The following NOP2 variants were observed in gnomAD, a reference collection of about 807,000 sequenced individuals.
NOP2 encodes NOP2 nucleolar protein.
A neutral mutation model predicts 72.7 loss-of-function variants in NOP2; 7 were observed. The observed-to-expected ratio is 0.10, with a 90% CI of 0.05 to 0.18. The LOEUF is 0.18. Among genes scored for constraint, NOP2 ranks in the 10% least tolerant of loss-of-function variants. The pLI, the probability that NOP2 is intolerant of heterozygous loss-of-function variation, is 1.00. For synonymous variants in NOP2, 387 were observed against 388.0 expected (o/e 1.00, Z 0.03); for missense variants, 954 against 1,014.7 (o/e 0.94, Z 0.81).
chr12:6,563,780 A>G lies in NOP2; in HGVS notation c.531-9T>C, dbSNP rs767808236. On this transcript the variant is annotated splice_polypyrimidine_tract_variant and intron_variant, in intron 6 of 15. Coordinates refer to ENST00000322166, the MANE Select transcript of NOP2 (RefSeq NM_001258308.2). The stretch of plus-strand genomic sequence containing the variant: ...CTTCACTCCACTGGATCCTAGAAAC[A>G]GGTCCAGGAACAGAGTGATTCACAG... 1.2e-6 allele frequency: 2 copies of G among 1,612,788 alleles called. No homozygotes were observed. The highest frequency in any genetic ancestry group is 2.7e-5 in the African/African-American group (2 of 74,866).
intron 2 of NOP2, 109 bp from the exon 3 acceptor site, chr12:6,566,931 C>A: frequency 1.2e-6 from 1 of 849,334 alleles, no homozygotes; most frequent in Non-Finnish European, 1.9e-6. Context: ...AAAAGGAGTC[C>A]ATTTAAATCT....
chr12:6,558,424 T>G (rs1947562259), intron 15 of NOP2, among the ~76,000 whole-genome samples: 1 of 151,406 alleles, frequency 6.6e-6, no homozygotes, highest in African/African-American at 2.4e-5. Context: ...CGCCACCATG[T>G]CCGGCTAATT....
At chr12:6,568,101 G>A in intron 1 of NOP2, 106 bp downstream of exon 1, 1 of 595,164 alleles carries the variant, frequency 1.7e-6, no homozygotes, top group Non-Finnish European at 3.0e-6. Context: ...CTGGAGGCCC[G>A]ACCGAACGCC....
In NOP2 at chr12:6,560,833, C is replaced by A. The variant is rs565679479; in HGVS notation, c.1348-46G>T. ...AATCATATGTCTCTTCTGCAACCAG[C>A]AGGGCAATATTTACTAGGGTCGAGT... On this transcript the variant is annotated intron_variant, in intron 12 of 15. Coordinates refer to ENST00000322166, the MANE Select transcript of NOP2 (RefSeq NM_001258308.2). This position sits in a 1 kb window ranked among gnomAD's most constrained non-coding sequence, Gnocchi z 5.0. The A allele has an allele frequency of 1.9e-6, 3 of 1,608,392 alleles. No homozygotes were observed. Among genetic ancestry groups the A allele is most frequent in the South Asian group, 2.2e-5 (2 of 90,248 alleles).
At chr12:6,564,632 A>T (rs1033980935) in intron 5 of NOP2, among the ~76,000 whole-genome samples, 6 of 151,654 alleles carry the variant, frequency 4.0e-5, no homozygotes, top group Non-Finnish European at 8.8e-5. Context: ...TTTCACCATG[A>T]TGGCCAAGCT....
rs1314196549 is a variant in NOP2 at position 6,560,593 on chromosome 12, G to C, written c.1438-24C>G. ...TCCTGTCCCAAAAAGAGACCCAAAG[G>C]CAGCCTCAGGAGGAGAGGGGAGCCC... On this transcript the variant is annotated intron_variant, in intron 13 of 15. Coordinates refer to ENST00000322166, the MANE Select transcript of NOP2 (RefSeq NM_001258308.2). The surrounding 1 kb of genome is among the most constrained non-coding windows in gnomAD (Gnocchi z 5.0). 1.3e-6 allele frequency: 2 copies of C among 1,598,938 alleles called. No homozygotes were observed. Among genetic ancestry groups the C allele is most frequent in the African/African-American group, 1.3e-5 (1 of 74,288 alleles).
In NOP2 at chr12:6,563,507, C is replaced by A; in HGVS notation, c.696G>T (p.Gln232His). 1 of 1,612,662 alleles carries A rather than the reference C, an allele frequency of 6.2e-7. No homozygotes were observed. The highest frequency in any genetic ancestry group is 1.3e-5 in the African/African-American group (1 of 75,024). The change falls in exon 8 of 16, where the codon CAG becomes CAT. Residue 232 changes from glutamine (Q) to histidine (H), a missense_variant. By Grantham distance (24) the Gln-to-His change is conservative (BLOSUM62 0). Around this residue, in one of 3 missense-constraint regions of NOP2, gnomAD observed 498 missense variants for 478.3 expected, o/e 1.04. Coordinates refer to ENST00000322166, the MANE Select transcript of NOP2 (RefSeq NM_001258308.2). ...PPAGEMEQDA[Q>H]APDLQRVHKR... ...TGTGAACTCGTTGCAGGTCTGGAGC[C>A]TGGGCATGTGGGCCTGTTAAGGAAC... is the stretch of plus-strand genomic sequence containing the variant.
chr12:6,557,691 A>G lies in NOP2; in HGVS notation c.1790-49T>C, dbSNP rs200502988. The G allele has an allele frequency of 2.1e-5, 31 of 1,503,236 alleles. No homozygotes were observed. In the Admixed American group the frequency reaches 2.7e-4, roughly 13 times the overall value. 93.1% of individuals were successfully genotyped at this position (1,503,236 alleles called of 1,614,324 possible). ...GTGTCAGAAAATGGGCCTTATCACC[A>G]TATTTTAATATTCTCATATTAAAAT... is the stretch of plus-strand genomic sequence containing the variant. On this transcript the variant is annotated intron_variant, in intron 15 of 15. Transcript: ENST00000322166.
intron 2 of NOP2, 78 bp downstream of exon 2, chr12:6,567,738 G>T (rs563388870): frequency 5.0e-5 from 57 of 1,148,770 alleles, no homozygotes; most frequent in Admixed American, 1.6e-4. Flanking sequence ...AAAATGAACA[G>T]AAACTAAAAA....
intron 5 of NOP2, among the ~76,000 whole-genome samples, chr12:6,565,840 C>A (rs764902400): frequency 6.6e-5 from 10 of 152,174 alleles, no homozygotes; most frequent in Non-Finnish European, 1.0e-4. Flanking sequence ...CTGTGCCCAT[C>A]AGTGGAGCAC....
At chr12:6,562,259 G>A (rs1015733608) in intron 9 of NOP2, among the ~76,000 whole-genome samples, 3 of 152,078 alleles carry the variant, frequency 2.0e-5, no homozygotes, top group Non-Finnish European at 4.4e-5. Context: ...CAAAGTGCTG[G>A]GATTACAGGC....
intron 1 of NOP2, 32 bp from the exon 2 acceptor site, chr12:6,567,954 T>C (rs1317145672): frequency 6.4e-7 from 1 of 1,561,606 alleles, no homozygotes. Context: ...GAAGGTGGCG[T>C]CGCGCGTGTC....
At chr12:6,565,639 C>G (rs1947760317) in intron 5 of NOP2, among the ~76,000 whole-genome samples, 1 of 151,850 alleles carries the variant, frequency 6.6e-6, no homozygotes, top group South Asian at 2.1e-4. Flanking sequence ...TGTGCCAGGC[C>G]AATTTTTTAA....
intron 5 of NOP2, among the ~76,000 whole-genome samples, chr12:6,564,732 T>A (rs1947734734): frequency 6.7e-6 from 1 of 149,320 alleles, no homozygotes; most frequent in Admixed American, 6.7e-5. Context: ...CCTGGCCCAT[T>A]TTGTCGTTTT....
At position 6,563,762 on chromosome 12, in the gene NOP2, C is replaced by G. The variant is rs115447939; in HGVS notation, c.540G>C (p.Trp180Cys). 2.5e-3 allele frequency: 3,982 copies of G among 1,613,018 alleles called. 75 individuals are homozygous for G. The African/African-American group carries it at 0.042, about 17-fold the overall frequency. Residue 180 changes from tryptophan to cysteine, a missense_variant, in exon 7 of 16, where the codon TGG (tryptophan) becomes TGC (cysteine). This residue lies in a region of NOP2 where 498 missense variants were observed against 478.3 expected (regional missense o/e 1.04). Coordinates refer to ENST00000322166, the MANE Select transcript of NOP2 (RefSeq NM_001258308.2). The stretch of plus-strand genomic sequence containing the variant: ...CCTCGTCCTCGGTCTCCTCTTCACT[C>G]CACTGGATCCTAGAAACAGGTCCAG... ...KAREAAAGIQWSEEETEDEEE... is the reference protein window; with the variant it reads ...KAREAAAGIQCSEEETEDEEE...
rs1345715454 is a variant in NOP2, at chr12:6,565,932, T to C, written c.474+169A>G. 2.3e-5 allele frequency among the ~76,000 whole-genome samples: 3 copies of C among 131,642 alleles called. No homozygotes were observed. In the East Asian group the frequency reaches 6.3e-4, roughly 28 times the overall value. The allele number at this position is 131,642 out of a possible 152,430, so 86.4% of individuals were successfully genotyped here. ...GCTCTATCCTACAGCTCTTTCAAAC[T>C]TGTAGTGCACTGGGAGGATATAAGG... On this transcript the variant is annotated intron_variant, in intron 5 of 15. Transcript: ENST00000322166.
chr12:6,565,636 G>A lies in NOP2; in HGVS notation c.474+465C>T, dbSNP rs1978009. 2.2e-4 allele frequency among the ~76,000 whole-genome samples: 33 copies of A among 152,130 alleles called. No individual in the cohort carries two copies. In the South Asian group the frequency reaches 3.5e-3, roughly 16 times the overall value. On this transcript the variant is annotated intron_variant, in intron 5 of 15. Coordinates refer to ENST00000322166, the MANE Select transcript of NOP2 (RefSeq NM_001258308.2). The stretch of plus-strand genomic sequence containing the variant: ...ATTATAGGCATGAGCCACTGTGCCA[G>A]GCCAATTTTTTAATTTTTTGTAGAT...
intron 15 of NOP2, among the ~76,000 whole-genome samples, 192 bp from the exon 16 acceptor site, chr12:6,557,834 C>T (rs1347064783): frequency 6.6e-6 from 1 of 152,142 alleles, no homozygotes; most frequent in African/African-American, 2.4e-5. Flanking sequence ...CCTAGTTGAA[C>T]CTTGTATTAA....
In NOP2 at chr12:6,563,950, AAG is replaced by A. The variant is rs1325694188; in HGVS notation, c.475-6_475-5del. 1 of 1,613,052 alleles carries A rather than the reference AAG, an allele frequency of 6.2e-7. No individual in the cohort carries two copies. Among genetic ancestry groups the A allele is most frequent in the African/African-American group, 1.3e-5 (1 of 75,052 alleles). The stretch of plus-strand genomic sequence containing the variant: ...CAGCTCTTTCAATGGGCAGCAACTG[AAG>A]AGAGACAAGGGCTATTAATACAGGC... On this transcript the variant is annotated splice_polypyrimidine_tract_variant and splice_region_variant and intron_variant, in intron 5 of 15. Coordinates refer to ENST00000322166, the MANE Select transcript of NOP2 (RefSeq NM_001258308.2).
Sources: allele counts gnomAD v4.1 joint callset (sites outside exome capture counted in the v4.1 genomes callset), GRCh38; gene constraint gnomAD v4.1.1; regional missense constraint gnomAD v4.1.1; non-coding constraint Gnocchi (gnomAD v3.1); transcripts MANE v1.5; gene names NCBI Gene and HGNC (gene_info 2026-07-23, HGNC 2026-07-21).